The following SH3RF3 variants were observed in gnomAD, a reference collection of about 807,000 sequenced individuals.
The protein encoded by SH3RF3 is E3 ubiquitin-protein ligase SH3RF3.
In SH3RF3, 29 loss-of-function variants were observed where a neutral mutation model predicts 66.3. That is an observed-to-expected ratio of 0.44 (90% CI 0.33 to 0.60). The LOEUF is 0.60. Ranked by LOEUF, SH3RF3 falls within the 20% of genes least tolerant of loss-of-function variation. The pLI is 0.04. For synonymous variants in SH3RF3, 583 were observed against 532.0 expected, an observed-to-expected ratio of 1.10 and a Z score of -1.32; for missense variants, 1,194 against 1,190.9, an observed-to-expected ratio of 1.00 and a Z score of -0.04.
At chr2:109,142,046 G>GGC (rs1553475048) in intron 1 of SH3RF3, among the ~76,000 whole-genome samples, 1 of 151,466 alleles carries the variant, frequency 6.6e-6, no homozygotes, top group Non-Finnish European at 1.5e-5. Context: ...AGTCTCCTGG[G>GGC]GGGGGGGTCT....
chr2:109,232,441 C>T (rs868505848), intron 1 of SH3RF3, among the ~76,000 whole-genome samples: 13 of 152,178 alleles, frequency 8.5e-5, no homozygotes, highest in African/African-American at 3.1e-4. Flanking sequence ...CCTGGTCTGC[C>T]TATCTATCTG....
chr2:109,483,029 A>G (rs1448484087), intron 8 of SH3RF3, among the ~76,000 whole-genome samples: 2 of 152,082 alleles, frequency 1.3e-5, no homozygotes, highest in Non-Finnish European at 2.9e-5. Flanking sequence ...TTTCCTCTGT[A>G]TTCATTGTAG....
Position 109,502,917 on chromosome 2 carries a change from G to A in SH3RF3, c.*1246G>A, listed in dbSNP as rs1047266938. 3 of 152,160 alleles carry A rather than the reference G, an allele frequency of 2.0e-5. No individual in the cohort carries two copies. The highest frequency in any genetic ancestry group is 7.2e-5 in the African/African-American group (3 of 41,442). 9.4% of individuals were successfully genotyped at this position (152,160 alleles called of 1,614,324 possible). On this transcript the variant is annotated 3_prime_UTR_variant, in exon 10 of 10. Transcript: ENST00000309415. ...AAAATAAATAACTGCTCCCATTTCA[G>A]GCAGTGCAAACCTTCATCTGCTGGA...
intron 1 of SH3RF3, among the ~76,000 whole-genome samples, chr2:109,322,383 G>C (rs1454128010): frequency 1.3e-5 from 2 of 152,222 alleles, no homozygotes; most frequent in Non-Finnish European, 2.9e-5. Flanking sequence ...AGGCAGACTA[G>C]GCAGTTGGGG....
chr2:109,204,869 C>CT (rs1185351185), intron 1 of SH3RF3, among the ~76,000 whole-genome samples: 1 of 152,124 alleles, frequency 6.6e-6, no homozygotes, highest in East Asian at 1.9e-4. Context: ...AAACTAAAGG[C>CT]TTTTTTGTGT....
intron 1 of SH3RF3, among the ~76,000 whole-genome samples, chr2:109,197,490 C>T (rs1383782499): frequency 2.0e-5 from 3 of 151,926 alleles, no homozygotes; most frequent in African/African-American, 4.9e-5. Flanking sequence ...CAAATGAGAC[C>T]CTATTTGTGA....
rs1249722600 is a variant in SH3RF3, at chr2:109,437,132, G to A, written c.1814G>A (p.Ser605Asn). 6 of 1,611,380 alleles carry A rather than the reference G, an allele frequency of 3.7e-6. No homozygotes were observed. In the South Asian group the frequency reaches 5.5e-5, roughly 15 times the overall value. The change falls in exon 7 of 10, where the codon AGC becomes AAC. Residue 605 changes from serine to asparagine, a missense_variant. Physicochemically the swap from Ser to Asn is conservative, Grantham distance 46. Coordinates refer to ENST00000309415, the MANE Select transcript of SH3RF3 (RefSeq NM_001099289.3). ...CAGCCAACGGCCAGCCAAGCCCGGA[G>A]CACCATTTCAACAGGTACCTTCACA... ...SAQPTASQAR[S>N]TISTAAHSAA...
intron 8 of SH3RF3, among the ~76,000 whole-genome samples, chr2:109,474,970 TTTG>T (rs1559103276): frequency 7.1e-4 from 103 of 145,452 alleles, no homozygotes; most frequent in East Asian, 2.8e-3. Context: ...TTGGGTTTTT[TTTG>T]TTTGTTTGTT....
chr2:109,152,449 A>C (rs183809605), intron 1 of SH3RF3, among the ~76,000 whole-genome samples: 1 of 152,380 alleles, frequency 6.6e-6, no homozygotes, highest in East Asian at 1.9e-4. Flanking sequence ...CGAGAGCATA[A>C]TAGCCTTGTT....
intron 1 of SH3RF3, among the ~76,000 whole-genome samples, chr2:109,214,744 G>T (rs560573582): frequency 6.6e-6 from 1 of 152,318 alleles, no homozygotes; most frequent in African/African-American, 2.4e-5. Flanking sequence ...GTGACATTTA[G>T]CTGTGTGGCC....
At chr2:109,292,577 C>A (rs1179409255) in intron 1 of SH3RF3, among the ~76,000 whole-genome samples, 2 of 152,222 alleles carry the variant, frequency 1.3e-5, no homozygotes, top group Non-Finnish European at 2.9e-5. Flanking sequence ...CCCCTAGTTT[C>A]ACATTGCATT....
chr2:109,146,326 T>G (rs1381467521), intron 1 of SH3RF3, among the ~76,000 whole-genome samples: 1 of 152,136 alleles, frequency 6.6e-6, no homozygotes, highest in Non-Finnish European at 1.5e-5. Flanking sequence ...AAGGGATCAT[T>G]CCAGCTTCCC....
intron 4 of SH3RF3, among the ~76,000 whole-genome samples, chr2:109,413,760 C>A (rs1027479178): frequency 3.9e-5 from 6 of 152,214 alleles, no homozygotes; most frequent in Non-Finnish European, 8.8e-5. Context: ...TTGCAGACTT[C>A]TCTGTTACTA....
chr2:109,456,995 A>C (rs1327574397), intron 8 of SH3RF3, among the ~76,000 whole-genome samples: 1 of 152,204 alleles, frequency 6.6e-6, no homozygotes, highest in African/African-American at 2.4e-5. Flanking sequence ...ATTAATCAGC[A>C]TGGAGGGTGG....
At chr2:109,194,654 G>A (rs1678453550) in intron 1 of SH3RF3, among the ~76,000 whole-genome samples, 1 of 152,328 alleles carries the variant, frequency 6.6e-6, no homozygotes, top group African/African-American at 2.4e-5. Flanking sequence ...GAAGAGATGG[G>A]TTTGGTGATC....
intron 1 of SH3RF3, among the ~76,000 whole-genome samples, chr2:109,318,854 G>A (rs960976787): frequency 6.6e-6 from 1 of 152,238 alleles, no homozygotes; most frequent in African/African-American, 2.4e-5. Context: ...AAGAAAGAGG[G>A]ATGAACTTCT....
At chr2:109,371,737 T>C (rs1683277352) in intron 3 of SH3RF3, 56 bp downstream of exon 3, 2 of 1,471,676 alleles carry the variant, frequency 1.4e-6, no homozygotes, top group Admixed American at 3.6e-5. Context: ...CTTGTTTCAC[T>C]ACAGTGGGGT....
intron 1 of SH3RF3, among the ~76,000 whole-genome samples, chr2:109,249,523 C>CTTTCTTTCTTTCTTTCTTTCTT (rs1680017564): frequency 9.3e-6 from 1 of 107,296 alleles, no homozygotes; most frequent in African/African-American, 3.6e-5. Flanking sequence ...CTTTCTTTTT[C>CTTTCTTTCTTTCTTTCTTTCTT]TTTCTTTCTT....
In SH3RF3 at chr2:109,249,532, T is replaced by TTTCCTTCCTTCC. The variant is rs34592741; in HGVS notation, c.574-98099_574-98088dup. 3.9e-3 allele frequency among the ~76,000 whole-genome samples: 374 copies of TTTCCTTCCTTCC among 96,464 alleles called. 5 individuals are homozygous for TTTCCTTCCTTCC. Among genetic ancestry groups the TTTCCTTCCTTCC allele is most frequent in the Non-Finnish European group, 5.2e-3 (258 of 49,274 alleles). 63.3% of individuals were successfully genotyped at this position (96,464 alleles called of 152,430 possible). Reference sequence around the variant, plus strand: ...TTCATTCTTTCTTTTTCTTTCTTTCTTTCCTTCCTTCCTTCCTTCCTTCCT... The same window carrying TTTCCTTCCTTCC: ...TTCATTCTTTCTTTTTCTTTCTTTCTTTCCTTCCTTCCTTCCTTCCTTCCTTCCTTCCTTCCT... On this transcript the variant is annotated intron_variant, in intron 1 of 9. Coordinates refer to ENST00000309415, the MANE Select transcript of SH3RF3 (RefSeq NM_001099289.3).
Sources: allele counts gnomAD v4.1 joint callset (sites outside exome capture counted in the v4.1 genomes callset), GRCh38; gene constraint gnomAD v4.1.1; transcripts MANE v1.5; gene names NCBI Gene and HGNC (gene_info 2026-07-23, HGNC 2026-07-21).